Variants in CTU1 observed in about 807,000 individuals in gnomAD.
CTU1 encodes cytosolic thiouridylase subunit 1.
A neutral mutation model predicts 12.9 loss-of-function variants in CTU1; 15 were observed. The observed-to-expected ratio is 1.16, with a 90% CI of 0.78 to 1.79. The LOEUF (loss-of-function observed/expected upper bound fraction) is 1.79, where lower values mean the gene tolerates loss of function less well. CTU1 is among the 40% of genes most tolerant of loss of function. The pLI is 0.00. For missense variants in CTU1, 553 were observed against 550.5 expected, an observed-to-expected ratio of 1.00 and a Z score of -0.05; for synonymous variants, 295 against 275.6, an observed-to-expected ratio of 1.07 and a Z score of -0.70.
At position 51,102,184 on chromosome 19, in the gene CTU1, A is replaced by G. The variant is rs368783439; in HGVS notation, c.508+1878T>C. The stretch of plus-strand genomic sequence containing the variant: ...ACACTCAGCTAATTTTTGTATTCTT[A>G]GTAGAGACGGGGTTTCACCATGTTG... On this transcript the variant is annotated intron_variant, in intron 2 of 2. Transcript: ENST00000421832. 1.8e-4 allele frequency among the ~76,000 whole-genome samples: 28 copies of G among 152,232 alleles called. 4 individuals carry two copies. The highest frequency in any genetic ancestry group is 1.3e-3 in the Admixed American group (20 of 15,292).
chr19:51,104,300 GC>G lies in CTU1; in HGVS notation c.269del (p.Gly90AlafsTer79), dbSNP rs1385370661. ...ACGCCGCGTCCCGGTAGCCACCGAT[GC>G]CCTCATCGACGGCCACGAGCTGCAG... is the stretch of plus-strand genomic sequence containing the variant. ...ISLQLVAVDE[G>X]IGGYRDAALA... On this transcript the variant is annotated frameshift_variant, in exon 2 of 3. Coordinates refer to ENST00000421832, the MANE Select transcript of CTU1 (RefSeq NM_145232.4). LOFTEE classifies it high-confidence loss of function. 1 of 1,496,464 alleles carries G rather than the reference GC, an allele frequency of 6.7e-7. No homozygotes were observed. Among genetic ancestry groups the G allele is most frequent in the Non-Finnish European group, 8.9e-7 (1 of 1,127,582 alleles). 92.7% of individuals were successfully genotyped at this position (1,496,464 alleles called of 1,614,324 possible).
intron 2 of CTU1, among the ~76,000 whole-genome samples, chr19:51,102,295 G>A (rs2091909167): frequency 6.6e-6 from 1 of 152,184 alleles, no homozygotes; most frequent in Middle Eastern, 3.2e-3. Context: ...GAGCCACTGT[G>A]CCCGGCCGAA....
At chr19:51,107,867 T>C (rs2091924243) in intron 1 of CTU1, among the ~76,000 whole-genome samples, 1 of 152,166 alleles carries the variant, frequency 6.6e-6, no homozygotes, top group Non-Finnish European at 1.5e-5. Flanking sequence ...AGAGCTGCCC[T>C]GATCCTGACT....
intron 1 of CTU1, among the ~76,000 whole-genome samples, chr19:51,105,862 G>A (rs773613576): frequency 6.6e-6 from 1 of 152,254 alleles, no homozygotes; most frequent in South Asian, 2.1e-4. Context: ...TGCCAAGTCC[G>A]GACCTTTTCA....
At chr19:51,100,022 G>T (rs1159408345) in intron 2 of CTU1, among the ~76,000 whole-genome samples, 1 of 152,106 alleles carries the variant, frequency 6.6e-6, no homozygotes, top group Non-Finnish European at 1.5e-5. Context: ...CCCAGAGAGA[G>T]ATGGGGAGGG....
intron 2 of CTU1, among the ~76,000 whole-genome samples, chr19:51,102,846 T>C (rs1369554173): frequency 3.3e-5 from 5 of 152,000 alleles, no homozygotes; most frequent in African/African-American, 1.2e-4. Flanking sequence ...GCTTTACCTC[T>C]TCACTGTGAG....
At chr19:51,099,217 G>C in intron 2 of CTU1, 78 bp from the exon 3 acceptor site, 1 of 1,323,922 alleles carries the variant, frequency 7.6e-7, no homozygotes, top group Non-Finnish European at 1.0e-6. Context: ...GGGAACCAAG[G>C]GTCCACCAGG....
Position 51,098,824 on chromosome 19 carries a change from A to G in CTU1, c.824T>C (p.Leu275Pro). 1 of 1,106,116 alleles carries G rather than the reference A, an allele frequency of 9.0e-7. No individual in the cohort carries two copies. The highest frequency in any genetic ancestry group is 1.1e-6 in the Non-Finnish European group (1 of 906,428). 68.5% of individuals were successfully genotyped at this position (1,106,116 alleles called of 1,614,324 possible). Residue 275 changes from leucine to proline, a missense_variant, in exon 3 of 3, where the codon CTG becomes CCG. By Grantham distance (98) the Leu-to-Pro change is moderately conservative. Coordinates refer to ENST00000421832, the MANE Select transcript of CTU1 (RefSeq NM_145232.4). The surrounding 1 kb of genome is among the most constrained non-coding windows in gnomAD (Gnocchi z 4.3). The stretch of plus-strand genomic sequence containing the variant: ...GCGCGGGGGCCGCGCGGCCGGGGCC[A>G]GCGCCAGGCGCTCGGCCGAGTGCAC... The part of the protein sequence containing the change: ...DLVHSAERLA[L>P]APAARPPRPG...
rs2091925186 is a variant in CTU1 at position 51,108,304 on chromosome 19, G to A, written c.-22+43C>T. On this transcript the variant is annotated intron_variant, in intron 1 of 2. Coordinates refer to ENST00000421832, the MANE Select transcript of CTU1 (RefSeq NM_145232.4). The surrounding 1 kb of genome is among the most constrained non-coding windows in gnomAD (Gnocchi z 4.5). ...CCCTCCCACGGCACCGCAACAAAGA[G>A]CCGGAGTCCACATGCCGACCCACCG... 2 of 152,442 alleles carry A rather than the reference G, an allele frequency of 1.3e-5. No individual in the cohort carries two copies. Among genetic ancestry groups the A allele is most frequent in the South Asian group, 2.1e-4 (1 of 4,836 alleles). 9.4% of individuals were successfully genotyped at this position (152,442 alleles called of 1,614,324 possible).
At chr19:51,102,073 G>A (rs922488023) in intron 2 of CTU1, among the ~76,000 whole-genome samples, 9 of 151,930 alleles carry the variant, frequency 5.9e-5, no homozygotes, top group Admixed American at 2.6e-4. Flanking sequence ...GCGTGATCTC[G>A]ACTCACTGCA....
In CTU1 at chr19:51,098,828, C is replaced by T. The variant is rs2122787689; in HGVS notation, c.820G>A (p.Ala274Thr). ...GGGGGCCGCGCGGCCGGGGCCAGCG[C>T]CAGGCGCTCGGCCGAGTGCACGAGG... ...LDLVHSAERLALAPAARPPRP... is the reference protein window; with the variant it reads ...LDLVHSAERLTLAPAARPPRP... The change falls in exon 3 of 3, where the codon GCG (alanine) becomes ACG (threonine). Residue 274 changes from alanine (A) to threonine (T), a missense_variant. By Grantham distance (58) the Ala-to-Thr change is moderately conservative. Transcript: ENST00000421832. The surrounding 1 kb of genome is among the most constrained non-coding windows in gnomAD (Gnocchi z 4.3). The T allele has an allele frequency of 3.5e-6, 4 of 1,129,008 alleles. No homozygotes were observed. In the African/African-American group the frequency reaches 6.7e-5, roughly 19 times the overall value. The allele number at this position is 1,129,008 out of a possible 1,614,324, so 69.9% of individuals were successfully genotyped here.
chr19:51,103,013 C>T (rs1184280412), intron 2 of CTU1, among the ~76,000 whole-genome samples: 1 of 152,118 alleles, frequency 6.6e-6, no homozygotes, highest in African/African-American at 2.4e-5. Flanking sequence ...GGAACTTGTG[C>T]GTAACTGTAT....
Position 51,104,492 on chromosome 19 carries a change from G to A in CTU1, c.78C>T (p.Cys26=), listed in dbSNP as rs1346066155. Residue 26 remains cysteine, a synonymous_variant, in exon 2 of 3, where the codon TGC becomes TGT. Transcript: ENST00000421832. ...LRRPLSGQAL[C]GACFCAAFEA... ...CGAAGGCGGCGCAGAAGCAGGCACC[G>A]CACAGCGCTTGGCCCGAGAGCGGAC... is the stretch of plus-strand genomic sequence containing the variant. 2.3e-6 allele frequency: 3 copies of A among 1,310,548 alleles called. No individual in the cohort carries two copies. Among genetic ancestry groups the A allele is most frequent in the Admixed American group, 7.9e-5 (2 of 25,276 alleles). 81.2% of individuals were successfully genotyped at this position (1,310,548 alleles called of 1,614,324 possible). A position where few individuals can be genotyped will look rare whatever the true frequency, so the allele number is the denominator to read the frequency against.
rs1306208354 is a variant in CTU1 at position 51,108,027 on chromosome 19, C to T, written c.-22+320G>A. Among the ~76,000 whole-genome samples, 2 of 152,052 alleles carry T rather than the reference C, an allele frequency of 1.3e-5. No individual in the cohort carries two copies. Among genetic ancestry groups the T allele is most frequent in the African/African-American group, 4.8e-5 (2 of 41,394 alleles). ...ATAAGTGCTCCCAGAAGAGAGGCCG[C>T]GGACCCCAGGGATGCCTCTGGATTG... On this transcript the variant is annotated intron_variant, in intron 1 of 2. Coordinates refer to ENST00000421832, the MANE Select transcript of CTU1 (RefSeq NM_145232.4). The surrounding 1 kb of genome is among the most constrained non-coding windows in gnomAD (Gnocchi z 4.5).
chr19:51,098,728 C>T lies in CTU1; in HGVS notation c.920G>A (p.Gly307Asp). 1.6e-6 allele frequency: 2 copies of T among 1,242,908 alleles called. No homozygotes were observed. Among genetic ancestry groups the T allele is most frequent in the Non-Finnish European group, 2.0e-6 (2 of 986,830 alleles). 77.0% of individuals were successfully genotyped at this position (1,242,908 alleles called of 1,614,324 possible). ...ALCQACALLD[G>D]LNRGRPRLAI... ...CAGGCGGGGCCGGCCGCGGTTCAGGCCGTCCAGGAGCGCGCAGGCCTGGCA... is the reference window on the plus strand; with the variant it reads ...CAGGCGGGGCCGGCCGCGGTTCAGGTCGTCCAGGAGCGCGCAGGCCTGGCA... The change falls in exon 3 of 3, where the codon GGC becomes GAC. Residue 307 changes from glycine (G) to aspartate (D), a missense_variant. This residue lies in a region of CTU1 where 53 missense variants were observed against 92.0 expected (regional missense o/e 0.58). Coordinates refer to ENST00000421832, the MANE Select transcript of CTU1 (RefSeq NM_145232.4). The surrounding 1 kb of genome is among the most constrained non-coding windows in gnomAD (Gnocchi z 4.3).
At chr19:51,106,025 C>T (rs1051295187) in intron 1 of CTU1, among the ~76,000 whole-genome samples, 1 of 152,214 alleles carries the variant, frequency 6.6e-6, no homozygotes, top group East Asian at 1.9e-4. Context: ...CTCCTGCTCC[C>T]GCCTTGCCTC....
At chr19:51,107,076 C>G (rs1181998569) in intron 1 of CTU1, among the ~76,000 whole-genome samples, 1 of 152,180 alleles carries the variant, frequency 6.6e-6, no homozygotes, top group African/African-American at 2.4e-5. Flanking sequence ...CCTAAATCTA[C>G]AGTCACCCAG....
chr19:51,098,712 C>A lies in CTU1; in HGVS notation c.936G>T (p.Arg312=). ...CALLDGLNRG[R]PRLAIGKGRR... is the part of the protein sequence containing the mutation. ...GGCCCTTGCCGATGGCCAGGCGGGG[C>A]CGGCCGCGGTTCAGGCCGTCCAGGA... Residue 312 remains arginine (R), a synonymous_variant, in exon 3 of 3, where the codon CGG becomes CGT. Coordinates refer to ENST00000421832, the MANE Select transcript of CTU1 (RefSeq NM_145232.4). The surrounding 1 kb of genome is among the most constrained non-coding windows in gnomAD (Gnocchi z 4.3). The A allele has an allele frequency of 7.9e-7, 1 of 1,263,576 alleles. No homozygotes were observed. Among genetic ancestry groups the A allele is most frequent in the Non-Finnish European group, 1.0e-6 (1 of 999,560 alleles). The allele number at this position is 1,263,576 out of a possible 1,614,324, so 78.3% of individuals were successfully genotyped here.
chr19:51,101,210 C>T (rs1192529597), intron 2 of CTU1, among the ~76,000 whole-genome samples: 2 of 152,202 alleles, frequency 1.3e-5, no homozygotes, highest in South Asian at 2.1e-4. Flanking sequence ...CCTCCCAAAG[C>T]GGCTGGGATT....
Sources: gnomAD v4.1 joint callset for allele counts (sites outside exome capture counted in the v4.1 genomes callset) on GRCh38, gnomAD v4.1.1 for gene constraint, gnomAD v4.1.1 regional missense constraint, Gnocchi (gnomAD v3.1) non-coding constraint, MANE v1.5 for transcripts, NCBI Gene and HGNC (gene_info 2026-07-23, HGNC 2026-07-21) for gene names.